Variants in TEK observed in about 807,000 individuals in gnomAD.
TEK encodes TEK receptor tyrosine kinase.
In TEK, 43 loss-of-function variants were observed where a neutral mutation model predicts 131.8. The ratio of observed to expected loss-of-function variants is 0.33; its 90% CI spans 0.26 to 0.42. The LOEUF (loss-of-function observed/expected upper bound fraction) is 0.42, where lower values mean the gene tolerates loss of function less well. Among genes scored for constraint, TEK ranks in the 10% least tolerant of loss-of-function variants. The pLI is 1.00. For missense variants in TEK, 1,162 were observed against 1,384.4 expected, an observed-to-expected ratio of 0.84 and a Z score of 2.55; for synonymous variants, 580 against 491.6, an observed-to-expected ratio of 1.18 and a Z score of -2.38.
intron 21 of TEK, among the ~76,000 whole-genome samples, chr9:27,225,985 C>G (rs1826308651): frequency 6.6e-6 from 1 of 152,206 alleles, no homozygotes; most frequent in Non-Finnish European, 1.5e-5. Context: ...GAAAAAAGCT[C>G]ATCATCACTG....
At chr9:27,178,010 T>C (rs1306268571) in intron 6 of TEK, among the ~76,000 whole-genome samples, 2 of 152,176 alleles carry the variant, frequency 1.3e-5, no homozygotes, top group Non-Finnish European at 2.9e-5. Flanking sequence ...GTCTGTGCTT[T>C]TGAGGTCATA....
At chr9:27,122,004 A>G (rs1197865796) in intron 1 of TEK, among the ~76,000 whole-genome samples, 1 of 152,226 alleles carries the variant, frequency 6.6e-6, no homozygotes, top group African/African-American at 2.4e-5. Context: ...GGAAACCTGG[A>G]AAGTGGGTAT....
chr9:27,213,637 G>C (rs760914650), intron 18 of TEK, 40 bp downstream of exon 18: 7 of 1,476,634 alleles, frequency 4.7e-6, no homozygotes, highest in Non-Finnish European at 6.6e-6. Flanking sequence ...TCCTTTCCGA[G>C]GTACTCCCCT....
At chr9:27,196,474 G>T (rs180801949) in intron 11 of TEK, among the ~76,000 whole-genome samples, 1 of 152,174 alleles carries the variant, frequency 6.6e-6, no homozygotes, top group Admixed American at 6.5e-5. Flanking sequence ...CTCTTAAAAG[G>T]TGCCCTTTAG....
chr9:27,133,699 C>T (rs1213881139), intron 1 of TEK, among the ~76,000 whole-genome samples: 1 of 152,208 alleles, frequency 6.6e-6, no homozygotes, highest in African/African-American at 2.4e-5. Context: ...GCCTGTGGGA[C>T]TGTCATGGAT....
rs184929535 is a variant in TEK, at chr9:27,200,010, A to G, written c.1909+2411A>G. Among the ~76,000 whole-genome samples the G allele has an allele frequency of 1.3e-4, 20 of 152,326 alleles. No homozygotes were observed. The East Asian group carries it at 3.5e-3, about 26-fold the overall frequency. ...TTTTGTGTATTTAGGTCTTTAAGAT[A>G]TAAAAATGTTATTTTGGGGTGCAGT... On this transcript the variant is annotated intron_variant, in intron 12 of 22. Coordinates refer to ENST00000380036, the MANE Select transcript of TEK (RefSeq NM_000459.5).
intron 21 of TEK, among the ~76,000 whole-genome samples, chr9:27,222,497 C>T (rs961856489): frequency 6.6e-6 from 1 of 152,170 alleles, no homozygotes; most frequent in African/African-American, 2.4e-5. Flanking sequence ...GGAAGCCAAA[C>T]AGACTAACAG....
intron 14 of TEK, 85 bp from the exon 15 acceptor site, chr9:27,206,496 TG>T: frequency 7.3e-7 from 1 of 1,366,452 alleles, no homozygotes; most frequent in Non-Finnish European, 1.0e-6. Flanking sequence ...TTTTTTCATC[TG>T]GTGTGGATGC....
chr9:27,109,597 T>G lies in TEK; in HGVS notation c.7T>G (p.Ser3Ala). Residue 3 changes from serine to alanine, a missense_variant, in exon 1 of 23, where the codon TCT (serine) becomes GCT (alanine). Around this residue, in one of 6 missense-constraint regions of TEK, gnomAD observed 436 missense variants for 539.1 expected, o/e 0.81. Coordinates refer to ENST00000380036, the MANE Select transcript of TEK (RefSeq NM_000459.5). MD[S>A]LASLVLCGVS... Reference sequence around the variant, plus strand: ...TGGAGAGATTTGGGGAAGCATGGACTCTTTAGCCAGCTTAGTTCTCTGTGG... The same window carrying G: ...TGGAGAGATTTGGGGAAGCATGGACGCTTTAGCCAGCTTAGTTCTCTGTGG... 6.2e-7 allele frequency: 1 copy of G among 1,614,220 alleles called. No individual in the cohort carries two copies. The highest frequency in any genetic ancestry group is 8.5e-7 in the Non-Finnish European group (1 of 1,180,026).
chr9:27,127,289 T>G lies in TEK; in HGVS notation c.52+17647T>G, dbSNP rs565130159. 6.6e-5 allele frequency among the ~76,000 whole-genome samples: 10 copies of G among 152,360 alleles called. No homozygotes were observed. In the East Asian group the frequency reaches 1.9e-3, roughly 29 times the overall value. On this transcript the variant is annotated intron_variant, in intron 1 of 22. Coordinates refer to ENST00000380036, the MANE Select transcript of TEK (RefSeq NM_000459.5). ...TGGTTTCCAGCTTCATCCATGTCCC[T>G]GCAAAGGACATAAACTCATCCTTTT...
chr9:27,195,224 A>G (rs1433480896), intron 11 of TEK, among the ~76,000 whole-genome samples: 2 of 152,186 alleles, frequency 1.3e-5, no homozygotes, highest in Non-Finnish European at 2.9e-5. Context: ...ATGCATGCCT[A>G]GCTGCTGGTT....
intron 21 of TEK, among the ~76,000 whole-genome samples, chr9:27,224,429 T>G (rs7031650): frequency 0.07 from 10,701 of 152,174 alleles, 449 homozygotes; most frequent in East Asian, 0.1. Context: ...GTCTGCTTCA[T>G]CCTTGGGATG....
intron 16 of TEK, among the ~76,000 whole-genome samples, chr9:27,211,859 CA>C (rs1198334718): frequency 7.6e-6 from 1 of 131,736 alleles, no homozygotes; most frequent in East Asian, 3.0e-4. Flanking sequence ...TTTAACTTTA[CA>C]TTTTTAGTAG....
intron 16 of TEK, among the ~76,000 whole-genome samples, chr9:27,212,445 A>T (rs192632260): frequency 2.0e-5 from 3 of 152,222 alleles, no homozygotes; most frequent in Admixed American, 2.0e-4. Flanking sequence ...CATTTCAGGA[A>T]GCCCTCTGTG....
chr9:27,217,839 A>G, intron 19 of TEK, 81 bp downstream of exon 19: 1 of 1,277,658 alleles, frequency 7.8e-7, no homozygotes, highest in Non-Finnish European at 1.1e-6. Flanking sequence ...AAAAAGATAC[A>G]GGAATGTCCT....
chr9:27,219,859 G>T (rs1825990400), intron 20 of TEK, among the ~76,000 whole-genome samples, 190 bp from the exon 21 acceptor site: 1 of 152,160 alleles, frequency 6.6e-6, no homozygotes, highest in East Asian at 1.9e-4. Context: ...CAATGATCAT[G>T]CTTTGGCATA....
intron 1 of TEK, 128 bp downstream of exon 1, chr9:27,109,770 CTG>C (rs749031172): frequency 1.2e-4 from 99 of 859,562 alleles, no homozygotes; most frequent in Non-Finnish European, 1.7e-4. Flanking sequence ...CACCATTTCT[CTG>C]TGAGTCTCCA....
chr9:27,164,938 A>G (rs1823672842), intron 2 of TEK, among the ~76,000 whole-genome samples: 1 of 152,220 alleles, frequency 6.6e-6, no homozygotes, highest in African/African-American at 2.4e-5. Flanking sequence ...GTCACATAAC[A>G]TCAATATATG....
At chr9:27,185,664 T>G in intron 9 of TEK, 35 bp downstream of exon 9, 2 of 1,612,762 alleles carry the variant, frequency 1.2e-6, no homozygotes, top group Non-Finnish European at 1.7e-6. Context: ...GATTGTGTCC[T>G]TGATGCATTA....
Sources: gnomAD v4.1 joint callset for allele counts (sites outside exome capture counted in the v4.1 genomes callset) on GRCh38, gnomAD v4.1.1 for gene constraint, gnomAD v4.1.1 regional missense constraint, MANE v1.5 for transcripts, NCBI Gene and HGNC (gene_info 2026-07-23, HGNC 2026-07-21) for gene names.